CADM2: variants seen among roughly 807,000 people sequenced by gnomAD.
CADM2 encodes the protein immunoglobulin superfamily member 4D.
A neutral mutation model predicts 49.8 loss-of-function variants in CADM2; 12 were observed. The ratio of observed to expected loss-of-function variants is 0.24; its 90% CI spans 0.15 to 0.39. CADM2 has a LOEUF of 0.39. Among genes scored for constraint, CADM2 ranks in the 10% least tolerant of loss-of-function variants. The pLI is 1.00. For synonymous variants in CADM2, 214 were observed against 175.4 expected, an observed-to-expected ratio of 1.22 and a Z score of -1.74; for missense variants, 378 against 492.3, an observed-to-expected ratio of 0.77 and a Z score of 2.20.
At chr3:85,310,153 C>T (rs937132207) in intron 1 of CADM2, among the ~76,000 whole-genome samples, 1 of 152,206 alleles carries the variant, frequency 6.6e-6, no homozygotes, top group Non-Finnish European at 1.5e-5. Context: ...AGCTACTGCT[C>T]TGTTTCCAAA....
chr3:85,942,817 C>T (rs1722115983), intron 7 of CADM2, among the ~76,000 whole-genome samples: 1 of 151,980 alleles, frequency 6.6e-6, no homozygotes, highest in Non-Finnish European at 1.5e-5. Context: ...GTCTTTATAG[C>T]AGCATAATTT....
In CADM2 at chr3:85,769,183, CATATATAGTAT is replaced by C. The variant is rs1357520059; in HGVS notation, c.89-32858_89-32848del. 2.5e-3 allele frequency among the ~76,000 whole-genome samples: 205 copies of C among 80,892 alleles called. 38 individuals are homozygous for C. Among genetic ancestry groups the C allele is most frequent in the South Asian group, 7.7e-3 (18 of 2,324 alleles). The allele number at this position is 80,892 out of a possible 152,430, so 53.1% of individuals were successfully genotyped here. On this transcript the variant is annotated intron_variant, in intron 2 of 9. Transcript: ENST00000383699. ...TATATAGTATATATACACATATATACATATATAGTATATATACACATATATACATATATAGT... is the reference window on the plus strand; with the variant it reads ...TATATAGTATATATACACATATATACATATACACATATATACATATATAGT...
intron 5 of CADM2, among the ~76,000 whole-genome samples, chr3:85,906,951 G>C (rs758159719): frequency 6.6e-6 from 1 of 152,170 alleles, no homozygotes; most frequent in African/African-American, 2.4e-5. Flanking sequence ...GAATTAGCCA[G>C]ACATAGTTAC....
intron 3 of CADM2, among the ~76,000 whole-genome samples, chr3:85,820,736 C>G (rs942452737): frequency 1.3e-5 from 2 of 152,070 alleles, no homozygotes; most frequent in African/African-American, 2.4e-5. Context: ...AGTCCACAGA[C>G]AAGCAAGTTA....
At chr3:85,884,759 T>A (rs1471175209) in intron 4 of CADM2, among the ~76,000 whole-genome samples, 1 of 149,770 alleles carries the variant, frequency 6.7e-6, no homozygotes, top group Non-Finnish European at 1.5e-5. Flanking sequence ...GGAGTCTCAC[T>A]CTGTAGCCTG....
intron 2 of CADM2, among the ~76,000 whole-genome samples, chr3:85,751,485 A>C (rs904417098): frequency 6.6e-6 from 1 of 152,160 alleles, no homozygotes; most frequent in Admixed American, 6.6e-5. Flanking sequence ...TTCCTATTTC[A>C]TGGAAAGGTT....
At chr3:85,074,933 T>C (rs1315766578) in intron 1 of CADM2, among the ~76,000 whole-genome samples, 2 of 149,354 alleles carry the variant, frequency 1.3e-5, no homozygotes, top group Non-Finnish European at 3.0e-5. Context: ...AAAAAAAAAA[T>C]CCAGAAAAAT....
intron 8 of CADM2, among the ~76,000 whole-genome samples, chr3:86,008,449 AT>A (rs1182782580): frequency 1.3e-5 from 2 of 152,120 alleles, no homozygotes; most frequent in African/African-American, 4.8e-5. Context: ...AAAAAATGAA[AT>A]TTGAACTCTT....
intron 1 of CADM2, among the ~76,000 whole-genome samples, chr3:85,294,148 GACAA>G (rs1405747494): frequency 1.3e-5 from 2 of 151,886 alleles, no homozygotes; most frequent in African/African-American, 4.8e-5. Flanking sequence ...ACCAACAACA[GACAA>G]ACAGAGAGCC....
At chr3:85,602,157 A>C (rs1245959312) in intron 1 of CADM2, among the ~76,000 whole-genome samples, 1 of 151,866 alleles carries the variant, frequency 6.6e-6, no homozygotes, top group African/African-American at 2.4e-5. Context: ...AATTTGTTTA[A>C]GAGTGTACGG....
rs142504859 is a variant in CADM2 at position 86,052,279 on chromosome 3, A to G, written c.971-13326A>G. Among the ~76,000 whole-genome samples, 813 of 152,288 alleles carry G rather than the reference A, an allele frequency of 5.3e-3. 12 individuals carry two copies. Among genetic ancestry groups the G allele is most frequent in the South Asian group, 0.046 (220 of 4,832 alleles). ...TGTATTCCTTAAGTAGAGGAAAGCT[A>G]TAGGGTTCTATCATTAAAATTCTGG... On this transcript the variant is annotated intron_variant, in intron 8 of 9. Coordinates refer to ENST00000383699, the MANE Select transcript of CADM2 (RefSeq NM_001167675.2).
chr3:85,247,529 A>C (rs2042677837), intron 1 of CADM2, among the ~76,000 whole-genome samples: 1 of 152,148 alleles, frequency 6.6e-6, no homozygotes, highest in Admixed American at 6.5e-5. Flanking sequence ...TCTTTTCATA[A>C]AGGCATTTAA....
At chr3:85,305,929 G>C (rs1033503499) in intron 1 of CADM2, among the ~76,000 whole-genome samples, 3 of 151,466 alleles carry the variant, frequency 2.0e-5, no homozygotes, top group African/African-American at 7.3e-5. Flanking sequence ...TGTCTAGCAG[G>C]ATCCAGCAAT....
At chr3:85,605,347 C>A (rs577771943) in intron 1 of CADM2, among the ~76,000 whole-genome samples, 4 of 152,110 alleles carry the variant, frequency 2.6e-5, no homozygotes, top group Non-Finnish European at 4.4e-5. Context: ...CAAATATTCA[C>A]AGGATTAAGA....
chr3:85,835,327 T>C (rs1226894016), intron 3 of CADM2, among the ~76,000 whole-genome samples: 1 of 151,126 alleles, frequency 6.6e-6, no homozygotes, highest in African/African-American at 2.4e-5. Context: ...TTTTTTTTTT[T>C]TTCCTGACTT....
intron 3 of CADM2, among the ~76,000 whole-genome samples, chr3:85,857,430 T>A (rs1166090514): frequency 6.6e-6 from 1 of 152,208 alleles, no homozygotes; most frequent in Non-Finnish European, 1.5e-5. Flanking sequence ...AGAATACTTA[T>A]GGCAGAGTCC....
intron 1 of CADM2, among the ~76,000 whole-genome samples, chr3:85,159,264 A>G (rs568099568): frequency 1.0e-4 from 15 of 150,548 alleles, no homozygotes; most frequent in African/African-American, 3.8e-4. Context: ...TAATACATCA[A>G]AACCACAGGG....
At chr3:85,532,698 A>G (rs2061342014) in intron 1 of CADM2, among the ~76,000 whole-genome samples, 1 of 152,228 alleles carries the variant, frequency 6.6e-6, no homozygotes, top group Admixed American at 6.5e-5. Context: ...TATTATAAAG[A>G]TAAATGCATG....
At chr3:85,704,282 T>C (rs374120972) in intron 1 of CADM2, among the ~76,000 whole-genome samples, 1 of 152,198 alleles carries the variant, frequency 6.6e-6, no homozygotes, top group East Asian at 1.9e-4. Flanking sequence ...AGGAAACAGA[T>C]AATTTCTATG....
Sources: gnomAD v4.1 joint callset for allele counts (sites outside exome capture counted in the v4.1 genomes callset) on GRCh38, gnomAD v4.1.1 for gene constraint, MANE v1.5 for transcripts, NCBI Gene and HGNC (gene_info 2026-07-23, HGNC 2026-07-21) for gene names.